The following UBE3C variants were observed in gnomAD, a reference collection of about 807,000 sequenced individuals.
The protein encoded by UBE3C is ubiquitin-protein ligase E3C.
Under a neutral mutation model 129.4 loss-of-function variants are expected in UBE3C, and 42 were observed. That is an observed-to-expected ratio of 0.32 (90% CI 0.25 to 0.42). UBE3C has a LOEUF of 0.42. Ranked by LOEUF, UBE3C falls within the 10% of genes least tolerant of loss-of-function variation. The pLI, the probability that UBE3C is intolerant of heterozygous loss-of-function variation, is 1.00. For missense variants in UBE3C, 1,049 were observed against 1,319.1 expected (o/e 0.80, Z 3.17); for synonymous variants, 510 against 492.4 (o/e 1.04, Z -0.47).
chr7:157,206,984 C>T (rs1268167958), intron 11 of UBE3C, among the ~76,000 whole-genome samples: 1 of 152,168 alleles, frequency 6.6e-6, no homozygotes, highest in African/African-American at 2.4e-5. Flanking sequence ...TAAATTTTTC[C>T]TGAGACCAGA....
intron 18 of UBE3C, among the ~76,000 whole-genome samples, chr7:157,242,795 G>C (rs933211165): frequency 1.3e-5 from 2 of 152,124 alleles, no homozygotes; most frequent in East Asian, 1.9e-4. Context: ...GGTGGCTCAA[G>C]CCTGTAATCC....
At chr7:157,188,358 G>A (rs1267250836) in intron 10 of UBE3C, among the ~76,000 whole-genome samples, 1 of 152,168 alleles carries the variant, frequency 6.6e-6, no homozygotes, top group Non-Finnish European at 1.5e-5. Context: ...ACACTAATGT[G>A]GCCAACTAAT....
intron 19 of UBE3C, 137 bp from the exon 20 acceptor site, chr7:157,253,817 C>T (rs186050489): frequency 4.1e-5 from 34 of 822,598 alleles, no homozygotes; most frequent in African/African-American, 2.4e-4. Flanking sequence ...TGTGCATACT[C>T]GGGTACTATT....
chr7:157,152,564 G>A (rs1360547371), intron 1 of UBE3C, among the ~76,000 whole-genome samples: 1 of 152,096 alleles, frequency 6.6e-6, no homozygotes, highest in Admixed American at 6.5e-5. Context: ...TCTCCTGCAG[G>A]GCACTTTTCG....
rs750535497 is a variant in UBE3C at position 157,181,579 on chromosome 7, T to C, written c.678T>C (p.Ser226=). ...AGCTTCCATCAAGTATTGAATATTCTGATTTATCTCGAGTTCCTATAGCAA... is the reference window on the plus strand; with the variant it reads ...AGCTTCCATCAAGTATTGAATATTCCGATTTATCTCGAGTTCCTATAGCAA... ...NSKLPSSIEY[S]DLSRVPIAKI... The change falls in exon 7 of 23, where the codon TCT becomes TCC. Residue 226 remains serine, a synonymous_variant. Transcript: ENST00000348165. 1 of 1,613,780 alleles carries C rather than the reference T, an allele frequency of 6.2e-7. No homozygotes were observed. The highest frequency in any genetic ancestry group is 2.2e-5 in the East Asian group (1 of 44,834).
At chr7:157,241,473 G>A (rs932226912) in intron 18 of UBE3C, among the ~76,000 whole-genome samples, 1 of 152,240 alleles carries the variant, frequency 6.6e-6, no homozygotes, top group African/African-American at 2.4e-5. Flanking sequence ...AAGATGGCCA[G>A]CATCACTAGT....
intron 14 of UBE3C, 164 bp downstream of exon 14, chr7:157,217,135 G>A (rs1269689845): frequency 1.1e-5 from 6 of 541,098 alleles, no homozygotes; most frequent in Non-Finnish European, 1.9e-5. Flanking sequence ...ACTTCTTAAT[G>A]GAACATATAG....
In UBE3C at chr7:157,139,315, TC is replaced by T; in HGVS notation, c.46del (p.Gly17AlafsTer30). On this transcript the variant is annotated frameshift_variant, in exon 1 of 23. Coordinates refer to ENST00000348165, the MANE Select transcript of UBE3C (RefSeq NM_014671.3). LOFTEE classifies it high-confidence loss of function. The part of the protein sequence containing the change: ...EGDFKTRPKV[S>X]LGGASRKEEK... ...CGACTTCAAGACGCGGCCCAAGGTG[TC>T]CCTTGGCGGCGCGAGCAGGAAGGTG... The T allele has an allele frequency of 6.3e-7, 1 of 1,583,678 alleles. No homozygotes were observed.
At position 157,182,089 on chromosome 7, in the gene UBE3C, T is replaced by G. The variant is rs200623608; in HGVS notation, c.771-19T>G. 1.2e-5 allele frequency: 18 copies of G among 1,541,232 alleles called. No individual in the cohort carries two copies. The African/African-American group carries it at 2.5e-4, about 21-fold the overall frequency. The stretch of plus-strand genomic sequence containing the variant: ...AGTATAATTTGATTTTATAAAAAGC[T>G]TCTGTTTTTCTTTTTCAGGCAACAA... On this transcript the variant is annotated intron_variant, in intron 7 of 22. Coordinates refer to ENST00000348165, the MANE Select transcript of UBE3C (RefSeq NM_014671.3).
intron 21 of UBE3C, among the ~76,000 whole-genome samples, chr7:157,255,438 C>T (rs965532879): frequency 1.3e-5 from 2 of 152,218 alleles, no homozygotes; most frequent in East Asian, 1.9e-4. Flanking sequence ...GTATGTATCT[C>T]TTATCTGTAG....
chr7:157,230,278 T>G (rs745701256), intron 17 of UBE3C, among the ~76,000 whole-genome samples: 9 of 152,016 alleles, frequency 5.9e-5, no homozygotes, highest in Admixed American at 1.3e-4. Flanking sequence ...ATACAGCTTT[T>G]AAAAGATCAC....
chr7:157,244,272 C>A (rs905827847), intron 18 of UBE3C, among the ~76,000 whole-genome samples: 3 of 152,106 alleles, frequency 2.0e-5, no homozygotes, highest in African/African-American at 7.2e-5. Flanking sequence ...TCTCCTGCCC[C>A]CTAGGAGTTT....
At chr7:157,182,467 G>C (rs1182551455) in intron 8 of UBE3C, 139 bp downstream of exon 8, 1 of 815,892 alleles carries the variant, frequency 1.2e-6, no homozygotes. Context: ...GAGGGATGTG[G>C]TCTGGGCAGT....
At chr7:157,176,649 A>AT (rs1376754584) in intron 5 of UBE3C, among the ~76,000 whole-genome samples, 2 of 152,136 alleles carry the variant, frequency 1.3e-5, no homozygotes, top group Non-Finnish European at 2.9e-5. Context: ...GGTCTCATGT[A>AT]TTTTTTAAAA....
In UBE3C at chr7:157,257,644, C is replaced by T. The variant is rs529464343; in HGVS notation, c.3081+600C>T. 5.4e-5 allele frequency among the ~76,000 whole-genome samples: 8 copies of T among 147,288 alleles called. No homozygotes were observed. The South Asian group carries it at 8.5e-4, about 16-fold the overall frequency. The stretch of plus-strand genomic sequence containing the variant: ...CCCAGTTACTTGGGAGGCTGAGGCA[C>T]GAGAATTGCTTGAACCCAGGAGGTG... On this transcript the variant is annotated intron_variant, in intron 22 of 22. Coordinates refer to ENST00000348165, the MANE Select transcript of UBE3C (RefSeq NM_014671.3).
At chr7:157,162,708 T>C (rs1808105711) in intron 1 of UBE3C, among the ~76,000 whole-genome samples, 1 of 151,638 alleles carries the variant, frequency 6.6e-6, no homozygotes, top group Non-Finnish European at 1.5e-5. Flanking sequence ...CCCAACTATT[T>C]TTAAAAAGTT....
intron 2 of UBE3C, 50 bp downstream of exon 2, chr7:157,163,913 T>C: frequency 6.4e-7 from 1 of 1,566,158 alleles, no homozygotes; most frequent in Non-Finnish European, 8.8e-7. Context: ...TTCTACAGCA[T>C]TTAAACATGC....
chr7:157,223,382 C>T (rs759401231), intron 16 of UBE3C, 31 bp downstream of exon 16: 41 of 1,569,314 alleles, frequency 2.6e-5, no homozygotes, highest in South Asian at 8.1e-5. Context: ...ATTGTCACTA[C>T]GTATCATATT....
rs1002110244 is a variant in UBE3C at position 157,183,793 on chromosome 7, CGT to C, written c.992-81_992-80del. The C allele has an allele frequency of 2.7e-6, 4 of 1,472,736 alleles. No individual in the cohort carries two copies. The African/African-American group carries it at 5.6e-5, about 21-fold the overall frequency. 91.2% of individuals were successfully genotyped at this position (1,472,736 alleles called of 1,614,324 possible). On this transcript the variant is annotated intron_variant, in intron 8 of 22. Coordinates refer to ENST00000348165, the MANE Select transcript of UBE3C (RefSeq NM_014671.3). ...AGATCTGGTCAGAAATGCCTCTCTG[CGT>C]GTGAGGAAAAATGGCGTCTTCGTTT...
Sources: gnomAD v4.1 joint callset for allele counts (sites outside exome capture counted in the v4.1 genomes callset) on GRCh38, gnomAD v4.1.1 for gene constraint, MANE v1.5 for transcripts, NCBI Gene and HGNC (gene_info 2026-07-23, HGNC 2026-07-21) for gene names.